The following ANO2 variants were observed in gnomAD, a reference collection of about 807,000 sequenced individuals.
The protein encoded by ANO2 is anoctamin-2.
A neutral mutation model predicts 124.2 loss-of-function variants in ANO2; 101 were observed. That is an observed-to-expected ratio of 0.81 (90% confidence interval 0.69 to 0.96). The LOEUF is 0.96. ANO2 is among the 40% of genes least tolerant of loss of function. The probability of loss-of-function intolerance (pLI) is 0.00; values close to 1 mark genes in which losing one functional copy is unlikely to be tolerated. For missense variants in ANO2, 1,293 were observed against 1,274.5 expected, an observed-to-expected ratio of 1.01 and a Z score of -0.22; for synonymous variants, 486 against 482.5, an observed-to-expected ratio of 1.01 and a Z score of -0.09.
rs139159393 is a variant in ANO2 at position 5,587,312 on chromosome 12, T to C, written c.2234-8794A>G. On this transcript the variant is annotated intron_variant, in intron 20 of 24. Coordinates refer to ENST00000682330, the MANE Select transcript of ANO2 (RefSeq NM_001364791.2). ...CTGACAATCACATCATTTATTTATCTGAATGAAACGGTGATAAAACTTTAC... is the reference window on the plus strand; with the variant it reads ...CTGACAATCACATCATTTATTTATCCGAATGAAACGGTGATAAAACTTTAC... 2.6e-3 allele frequency among the ~76,000 whole-genome samples: 390 copies of C among 152,350 alleles called. 2 individuals carry two copies. The highest frequency in any genetic ancestry group is 8.6e-3 in the African/African-American group (358 of 41,586).
intron 14 of ANO2, among the ~76,000 whole-genome samples, chr12:5,695,298 T>C (rs1949121886): frequency 1.4e-5 from 2 of 142,600 alleles, no homozygotes; most frequent in Non-Finnish European, 3.0e-5. Flanking sequence ...GACATTGATA[T>C]GGAACGACTG....
At chr12:5,611,553 T>C (rs1944548686) in intron 19 of ANO2, among the ~76,000 whole-genome samples, 1 of 152,310 alleles carries the variant, frequency 6.6e-6, no homozygotes, top group Admixed American at 6.5e-5. Context: ...GCCTACTCTC[T>C]GGCCTTTAAA....
At chr12:5,910,017 A>C (rs1346560314) in intron 3 of ANO2, among the ~76,000 whole-genome samples, 1 of 152,254 alleles carries the variant, frequency 6.6e-6, no homozygotes, top group Non-Finnish European at 1.5e-5. Context: ...ATAGTTAAAC[A>C]TAAATTTGTG....
intron 14 of ANO2, among the ~76,000 whole-genome samples, chr12:5,717,056 G>A (rs1474750304): frequency 6.6e-6 from 1 of 152,220 alleles, no homozygotes; most frequent in Non-Finnish European, 1.5e-5. Flanking sequence ...AATTGACTTT[G>A]GACAATCTGT....
At chr12:5,888,293 G>A (rs564698062) in intron 3 of ANO2, among the ~76,000 whole-genome samples, 4 of 152,298 alleles carry the variant, frequency 2.6e-5, no homozygotes, top group South Asian at 2.1e-4. Context: ...GACCTTCGCG[G>A]TGAGCGTTAC....
Position 5,744,231 on chromosome 12 carries a change from C to G in ANO2, c.1277G>C (p.Cys426Ser). The change falls in exon 12 of 25, where the codon TGT (cysteine) becomes TCT (serine). Residue 426 changes from cysteine to serine, a missense_variant. Transcript: ENST00000682330. ...SCDYWNLSSA[C>S]GTAQASHLFD... The stretch of plus-strand genomic sequence containing the variant: ...CAGGTGGCTGGCCTGCGCGGTCCCA[C>G]AGGCTGAGCTGAGGTTCCAGTAATC... 1 of 1,612,814 alleles carries G rather than the reference C, an allele frequency of 6.2e-7. No individual in the cohort carries two copies.
At chr12:5,777,582 T>G (rs1010334249) in intron 10 of ANO2, among the ~76,000 whole-genome samples, 2 of 152,182 alleles carry the variant, frequency 1.3e-5, no homozygotes, top group Admixed American at 1.3e-4. Flanking sequence ...TCAGGGCAAC[T>G]GCATCACAAA....
chr12:5,744,064 T>C, intron 12 of ANO2, 93 bp downstream of exon 12: 1 of 1,490,660 alleles, frequency 6.7e-7, no homozygotes, highest in Non-Finnish European at 9.1e-7. Context: ...AATGCGAAAG[T>C]AAGTAACCTG....
chr12:5,738,322 C>T (rs1008279742), intron 13 of ANO2, among the ~76,000 whole-genome samples: 9 of 152,262 alleles, frequency 5.9e-5, no homozygotes, highest in African/African-American at 2.2e-4. Flanking sequence ...CCCCAGGTCC[C>T]TAGTCCAAGG....
intron 14 of ANO2, among the ~76,000 whole-genome samples, chr12:5,667,284 T>G (rs564901167): frequency 6.6e-6 from 1 of 152,220 alleles, no homozygotes; most frequent in East Asian, 1.9e-4. Context: ...GAAGTGTAGA[T>G]CAAGTTCCCA....
At chr12:5,625,042 CT>C (rs1370664768) in intron 16 of ANO2, among the ~76,000 whole-genome samples, 2 of 152,128 alleles carry the variant, frequency 1.3e-5, no homozygotes, top group African/African-American at 4.8e-5. Context: ...GGTGGAAGTA[CT>C]GGGAGGGGGA....
intron 10 of ANO2, among the ~76,000 whole-genome samples, chr12:5,790,412 G>C (rs1049180858): frequency 2.6e-5 from 4 of 152,006 alleles, no homozygotes; most frequent in Non-Finnish European, 4.4e-5. Context: ...CTCAGCCCCG[G>C]TGCTTTCTTC....
intron 19 of ANO2, among the ~76,000 whole-genome samples, chr12:5,610,291 A>G (rs1944444718): frequency 9.0e-6 from 1 of 111,428 alleles, no homozygotes; most frequent in South Asian, 2.8e-4. Context: ...TTATACATAA[A>G]TATATAAATG....
intron 10 of ANO2, among the ~76,000 whole-genome samples, chr12:5,777,286 C>T (rs971146670): frequency 2.0e-5 from 3 of 152,122 alleles, no homozygotes; most frequent in Non-Finnish European, 2.9e-5. Flanking sequence ...GGTCATAGGG[C>T]GGCAAAAAGC....
Position 5,768,586 on chromosome 12 carries a change from C to T in ANO2, c.1056-17616G>A, listed in dbSNP as rs141290651. On this transcript the variant is annotated intron_variant, in intron 10 of 24. Transcript: ENST00000682330. ...TCTCTCCAGTGAGCACAGACGTGCA[C>T]GGAGGACTCACAGCCACAGCCCCTC... 1.2e-4 allele frequency among the ~76,000 whole-genome samples: 19 copies of T among 152,304 alleles called. 1 individual carries two copies. The highest frequency in any genetic ancestry group is 3.9e-4 in the East Asian group (2 of 5,174).
rs114010486 is a variant in ANO2, at chr12:5,649,241, G to A, written c.1546-1440C>T. Among the ~76,000 whole-genome samples the A allele has an allele frequency of 8.4e-4, 128 of 152,284 alleles. 1 individual carries two copies. Among genetic ancestry groups the A allele is most frequent in the African/African-American group, 3.0e-3 (124 of 41,566 alleles). On this transcript the variant is annotated intron_variant, in intron 14 of 24. Coordinates refer to ENST00000682330, the MANE Select transcript of ANO2 (RefSeq NM_001364791.2). ...CATGCCTGGAACTGAGCGATGGGTC[G>A]AGTTGGCTTACTAAATTGTGGTAGA...
chr12:5,802,298 C>T (rs735393), intron 9 of ANO2, among the ~76,000 whole-genome samples: 45,607 of 152,068 alleles, frequency 0.3, 7,024 homozygotes, highest in Admixed American at 0.35. Flanking sequence ...GAGGAGGAGC[C>T]AAGAGAACTA....
chr12:5,783,571 A>G (rs1380182123), intron 10 of ANO2, among the ~76,000 whole-genome samples: 1 of 152,358 alleles, frequency 6.6e-6, no homozygotes, highest in East Asian at 1.9e-4. Flanking sequence ...CACTTTGTAT[A>G]AACATTCCCA....
intron 3 of ANO2, among the ~76,000 whole-genome samples, chr12:5,916,236 T>G (rs1207822231): frequency 6.6e-6 from 1 of 152,044 alleles, no homozygotes; most frequent in East Asian, 1.9e-4. Flanking sequence ...GAAATCACAC[T>G]GCTGCAATCC....
Sources: gnomAD v4.1 joint callset for allele counts (sites outside exome capture counted in the v4.1 genomes callset) on GRCh38, gnomAD v4.1.1 for gene constraint, MANE v1.5 for transcripts, NCBI Gene and HGNC (gene_info 2026-07-23, HGNC 2026-07-21) for gene names.